Variants in IL7 observed in about 807,000 individuals in gnomAD.
The protein encoded by IL7 is interleukin-7.
IL7 carries 3 observed loss-of-function variants against 21.6 expected under a neutral mutation model. The ratio of observed to expected loss-of-function variants is 0.14; its 90% CI spans 0.06 to 0.36. The LOEUF (loss-of-function observed/expected upper bound fraction) is 0.36. Ranked by LOEUF, IL7 falls within the 10% of genes least tolerant of loss-of-function variation. The pLI is 1.00. For synonymous variants in IL7, 62 were observed against 68.1 expected, an observed-to-expected ratio of 0.91 and a Z score of 0.44; for missense variants, 175 against 200.2, an observed-to-expected ratio of 0.87 and a Z score of 0.76.
intron 2 of IL7, among the ~76,000 whole-genome samples, chr8:78,753,356 T>G (rs1024110265): frequency 6.6e-6 from 1 of 152,228 alleles, no homozygotes; most frequent in African/African-American, 2.4e-5. Context: ...TTTTTTGATA[T>G]GTTTGTTGGC....
At chr8:78,716,708 A>G (rs1811116116), downstream of IL7, among the ~76,000 whole-genome samples, 1 of 152,110 alleles carries the variant, frequency 6.6e-6, no homozygotes, top group Non-Finnish European at 1.5e-5. Flanking sequence ...GAACAGATGG[A>G]AAGCGATGTG....
At chr8:78,803,508 C>T (rs1814164917) in intron 1 of IL7, among the ~76,000 whole-genome samples, 1 of 152,158 alleles carries the variant, frequency 6.6e-6, no homozygotes, top group South Asian at 2.1e-4. Flanking sequence ...GGAAGCCATG[C>T]ATTATAATCA....
At chr8:78,684,649 G>A (rs1809902755) in intron 4 of IL7, among the ~76,000 whole-genome samples, 1 of 152,074 alleles carries the variant, frequency 6.6e-6, no homozygotes, top group Non-Finnish European at 1.5e-5. Flanking sequence ...ACAAACAACA[G>A]GAGTAAAGGG....
chr8:78,684,357 G>A (rs1450910055), intron 4 of IL7, among the ~76,000 whole-genome samples: 1 of 152,246 alleles, frequency 6.6e-6, no homozygotes, highest in Non-Finnish European at 1.5e-5. Flanking sequence ...GCAGGCAAGA[G>A]CGTGTGTGCA....
At chr8:78,804,862 C>A in intron 1 of IL7, 51 bp downstream of exon 1, 1 of 1,610,046 alleles carries the variant, frequency 6.2e-7, no homozygotes, top group Non-Finnish European at 8.5e-7. Flanking sequence ...TCTGGGATTG[C>A]CCCGGCGCGT....
downstream of IL7, among the ~76,000 whole-genome samples, chr8:78,731,941 T>C (rs146787368): frequency 6.4e-4 from 97 of 152,264 alleles, no homozygotes; most frequent in Middle Eastern, 3.4e-3. Context: ...TCAGAGAGAA[T>C]ATATTTTTTT....
chr8:78,735,260 A>T (rs1218521172), intron 5 of IL7, among the ~76,000 whole-genome samples: 2 of 128,346 alleles, frequency 1.6e-5, no homozygotes, highest in Non-Finnish European at 1.7e-5. Flanking sequence ...CTGGGAAAAT[A>T]GTTATCTTTT....
At chr8:78,770,228 GGCCT>G (rs1812905308) in intron 2 of IL7, among the ~76,000 whole-genome samples, 1 of 152,082 alleles carries the variant, frequency 6.6e-6, no homozygotes, top group African/African-American at 2.4e-5. Flanking sequence ...TACCCTTGCT[GGCCT>G]ATCTGTGTCT....
At chr8:78,770,077 A>G (rs1812900300) in intron 2 of IL7, among the ~76,000 whole-genome samples, 1 of 152,216 alleles carries the variant, frequency 6.6e-6, no homozygotes, top group Admixed American at 6.5e-5. Flanking sequence ...AAAACCATAA[A>G]AACCCTAGAA....
chr8:78,715,769 G>T (rs1811082141), downstream of IL7, among the ~76,000 whole-genome samples: 1 of 152,152 alleles, frequency 6.6e-6, no homozygotes, highest in South Asian at 2.1e-4. Flanking sequence ...AGGAGTTGTG[G>T]TGGCTCACGC....
Position 78,733,678 on chromosome 8 carries a change from A to G in IL7, c.*35T>C. The G allele has an allele frequency of 6.3e-7, 1 of 1,587,476 alleles. No individual in the cohort carries two copies. The highest frequency in any genetic ancestry group is 2.3e-5 in the East Asian group (1 of 43,250). ...AGATAGATTCTTGGAGGATGCAGCT[A>G]AAGTTCGTGTTTCTATATTGCCACT... is the stretch of plus-strand genomic sequence containing the variant. On this transcript the variant is annotated 3_prime_UTR_variant, in exon 6 of 6. Coordinates refer to ENST00000263851, the MANE Select transcript of IL7 (RefSeq NM_000880.4).
At chr8:78,726,551 T>A (rs1178512506) in intron 3 of IL7, among the ~76,000 whole-genome samples, 3 of 151,992 alleles carry the variant, frequency 2.0e-5, no homozygotes, top group African/African-American at 7.2e-5. Context: ...TTTTAGCCCC[T>A]TAATTAGTGA....
chr8:78,736,493 G>C lies in IL7; in HGVS notation c.395C>G (p.Ala132Gly), dbSNP rs200388839. The C allele has an allele frequency of 2.5e-6, 4 of 1,602,666 alleles. No individual in the cohort carries two copies. Among genetic ancestry groups the C allele is most frequent in the Non-Finnish European group, 3.4e-6 (4 of 1,172,400 alleles). Residue 132 changes from alanine to glycine, a missense_variant, in exon 5 of 6, where the codon GCC becomes GGC. By Grantham distance (60) the Ala-to-Gly change is moderately conservative. Coordinates refer to ENST00000263851, the MANE Select transcript of IL7 (RefSeq NM_000880.4). ...KGRKPAALGE[A>G]QPTKSLEENK... Reference sequence around the variant, plus strand: ...TCTCACCAAACTCTTTGTTGGTTGGGCTTCACCCAGGGCAGCTGGTTTTCT... The same window carrying C: ...TCTCACCAAACTCTTTGTTGGTTGGCCTTCACCCAGGGCAGCTGGTTTTCT...
At chr8:78,759,602 GTTTC>G (rs746259873) in intron 2 of IL7, among the ~76,000 whole-genome samples, 1 of 151,014 alleles carries the variant, frequency 6.6e-6, no homozygotes, top group Non-Finnish European at 1.5e-5. Context: ...TTTGTCATTT[GTTTC>G]TTTAAGTTTG....
intron 6 of IL7, chr8:78,718,901 A>G (rs1406287425): frequency 6.6e-6 from 1 of 151,660 alleles, no homozygotes; most frequent in Non-Finnish European, 1.5e-5. Flanking sequence ...CTGATCAACT[A>G]TAAGACACAA....
chr8:78,687,031 A>G lies in IL7; in HGVS notation n.215-1084T>C, dbSNP rs569496874. Reference sequence around the variant, plus strand: ...AAAAATCATAATTTTCCTAAAATGTATAATTCATGTGGCTCGACTACATTT... The same window carrying G: ...AAAAATCATAATTTTCCTAAAATGTGTAATTCATGTGGCTCGACTACATTT... On this transcript the variant is annotated intron_variant and non_coding_transcript_variant, in intron 3 of 4. Coordinates refer to the IL7 transcript ENST00000523959. 3.3e-5 allele frequency among the ~76,000 whole-genome samples: 5 copies of G among 152,256 alleles called. No individual in the cohort carries two copies. The East Asian group carries it at 7.7e-4, about 23-fold the overall frequency.
At chr8:78,690,416 T>C (rs1289414410) in intron 3 of IL7, among the ~76,000 whole-genome samples, 1 of 152,010 alleles carries the variant, frequency 6.6e-6, no homozygotes, top group Non-Finnish European at 1.5e-5. Context: ...AAAAATTAGC[T>C]GGACGTGGTG....
chr8:78,738,568 T>C lies in IL7; in HGVS notation c.296A>G (p.Asp99Gly). ...AACTTTTAATAAGTGGAGATCAAAATCACCAGTGCTATTCATTTTAAGAAA... is the reference window on the plus strand; with the variant it reads ...AACTTTTAATAAGTGGAGATCAAAACCACCAGTGCTATTCATTTTAAGAAA... ...RQFLKMNSTG[D>G]FDLHLLKVSE... Residue 99 changes from aspartate to glycine, a missense_variant, in exon 4 of 6, where the codon GAT becomes GGT. Asp to Gly is a moderately conservative substitution (Grantham distance 94). Coordinates refer to ENST00000263851, the MANE Select transcript of IL7 (RefSeq NM_000880.4). 6.2e-7 allele frequency: 1 copy of C among 1,613,556 alleles called. No individual in the cohort carries two copies. Among genetic ancestry groups the C allele is most frequent in the Non-Finnish European group, 8.5e-7 (1 of 1,179,536 alleles).
chr8:78,784,107 A>C (rs2130814473), intron 2 of IL7, among the ~76,000 whole-genome samples: 1 of 152,318 alleles, frequency 6.6e-6, no homozygotes, highest in South Asian at 2.1e-4. Flanking sequence ...CATATGTTGA[A>C]ATCCTAACCC....
Sources: allele counts gnomAD v4.1 joint callset (sites outside exome capture counted in the v4.1 genomes callset), GRCh38; gene constraint gnomAD v4.1.1; transcripts MANE v1.5; gene names NCBI Gene and HGNC (gene_info 2026-07-23, HGNC 2026-07-21).